The following ZNF148 variants were observed in gnomAD, a reference collection of about 807,000 sequenced individuals.
The protein encoded by ZNF148 is zinc finger protein 148.
ZNF148 carries 7 observed loss-of-function variants against 67.7 expected under a neutral mutation model. The observed-to-expected ratio is 0.10, with a 90% confidence interval of 0.06 to 0.19. The LOEUF is 0.19. Ranked by LOEUF, ZNF148 falls within the 10% of genes least tolerant of loss-of-function variation. The pLI is 1.00. For synonymous variants in ZNF148, 333 were observed against 330.7 expected, an observed-to-expected ratio of 1.01 and a Z score of -0.08; for missense variants, 583 against 947.1, an observed-to-expected ratio of 0.62 and a Z score of 5.05.
chr3:125,278,057 GAAAT>G (rs933551023), intron 6 of ZNF148, among the ~76,000 whole-genome samples: 2 of 152,042 alleles, frequency 1.3e-5, no homozygotes, highest in African/African-American at 2.4e-5. Context: ...GGGGGGGAAG[GAAAT>G]AAATAAAACA....
chr3:125,239,662 A>T lies in ZNF148; in HGVS notation c.668-5333T>A, dbSNP rs375923216. 2.0e-5 allele frequency among the ~76,000 whole-genome samples: 3 copies of T among 152,348 alleles called. No individual in the cohort carries two copies. In the South Asian group the frequency reaches 6.2e-4, roughly 32 times the overall value. ...CCAGCAATTTCACCCCTAAGCACATACCCAAGACAACTAAAAATGTGAAGT... is the reference window on the plus strand; with the variant it reads ...CCAGCAATTTCACCCCTAAGCACATTCCCAAGACAACTAAAAATGTGAAGT... On this transcript the variant is annotated intron_variant, in intron 7 of 8. Coordinates refer to ENST00000360647, the MANE Select transcript of ZNF148 (RefSeq NM_021964.3).
chr3:125,306,403 TAAGAAA>T (rs1353990436), intron 4 of ZNF148, among the ~76,000 whole-genome samples: 6 of 151,818 alleles, frequency 4.0e-5, no homozygotes, highest in African/African-American at 1.5e-4. Context: ...CCAGTCTAAT[TAAGAAA>T]AAGAAAAATT....
chr3:125,361,861 AGGATTGTAACTT>A (rs1942553833), intron 1 of ZNF148, among the ~76,000 whole-genome samples: 1 of 151,914 alleles, frequency 6.6e-6, no homozygotes, highest in African/African-American at 2.4e-5. Context: ...ACAATCCACT[AGGATTGTAACTT>A]CAGAGACCAC....
intron 7 of ZNF148, among the ~76,000 whole-genome samples, chr3:125,266,119 G>A (rs993840643): frequency 1.3e-5 from 2 of 151,974 alleles, no homozygotes; most frequent in Non-Finnish European, 1.5e-5. Context: ...ATACAATAAC[G>A]GGAGACTTCA....
At chr3:125,331,584 T>C (rs547010896) in intron 1 of ZNF148, among the ~76,000 whole-genome samples, 1 of 152,314 alleles carries the variant, frequency 6.6e-6, no homozygotes, top group South Asian at 2.1e-4. Flanking sequence ...TGTGTTTCAC[T>C]AAAATCATAT....
Position 125,317,713 on chromosome 3 carries a change from A to T in ZNF148, c.-16-4057T>A, listed in dbSNP as rs868408761. ...TACACACACACATATATATATATAT[A>T]TTTTTTTTTTTTTCTGGTAAGAAAC... On this transcript the variant is annotated intron_variant, in intron 3 of 8. Coordinates refer to ENST00000360647, the MANE Select transcript of ZNF148 (RefSeq NM_021964.3). Among the ~76,000 whole-genome samples the T allele has an allele frequency of 9.1e-3, 1,222 of 134,510 alleles. 13 individuals are homozygous for T. The highest frequency in any genetic ancestry group is 0.023 in the African/African-American group (824 of 36,124). 88.2% of individuals were successfully genotyped at this position (134,510 alleles called of 152,430 possible). A position where few individuals can be genotyped will look rare whatever the true frequency, so the allele number is the denominator to read the frequency against.
intron 1 of ZNF148, among the ~76,000 whole-genome samples, chr3:125,361,212 T>G (rs756853318): frequency 2.0e-5 from 3 of 152,034 alleles, no homozygotes; most frequent in Non-Finnish European, 2.9e-5. Context: ...AGCTATATCA[T>G]TCTCCTACTC....
intron 2 of ZNF148, among the ~76,000 whole-genome samples, chr3:125,330,924 A>G (rs1406498535): frequency 6.6e-6 from 1 of 152,176 alleles, no homozygotes; most frequent in Non-Finnish European, 1.5e-5. Flanking sequence ...AGAGAAGATA[A>G]TTGACTTCAT....
rs184855509 is a variant in ZNF148 at position 125,281,231 on chromosome 3, T to C, written c.460-1984A>G. ...AATGGAAGTGGGTGTCACAGCTTCC[T>C]GAGGAGAGTCAAAGAAAGTGGAAAG... On this transcript the variant is annotated intron_variant, in intron 5 of 8. Transcript: ENST00000360647. Among the ~76,000 whole-genome samples the C allele has an allele frequency of 9.8e-5, 15 of 152,288 alleles. 2 individuals are homozygous for C. The East Asian group carries it at 2.7e-3, about 27-fold the overall frequency.
At chr3:125,254,873 G>T (rs1413795190) in intron 7 of ZNF148, among the ~76,000 whole-genome samples, 1 of 151,740 alleles carries the variant, frequency 6.6e-6, no homozygotes, top group Non-Finnish European at 1.5e-5. Context: ...ATCTTTATTT[G>T]TTTTCTGTTT....
chr3:125,282,212 T>C, intron 5 of ZNF148, among the ~76,000 whole-genome samples: 1 of 152,188 alleles, frequency 6.6e-6, no homozygotes, highest in South Asian at 2.1e-4. Flanking sequence ...CAAAATTTTC[T>C]TCCCCGGTAT....
chr3:125,355,332 T>C (rs1942300893), intron 1 of ZNF148, among the ~76,000 whole-genome samples: 1 of 152,192 alleles, frequency 6.6e-6, no homozygotes, highest in South Asian at 2.1e-4. Flanking sequence ...ACTGACATTT[T>C]GCAGTGGATA....
chr3:125,315,401 T>G (rs1456763525), intron 3 of ZNF148, among the ~76,000 whole-genome samples: 1 of 151,972 alleles, frequency 6.6e-6, no homozygotes, highest in East Asian at 1.9e-4. Context: ...TAACTATATT[T>G]TTATGTTTTA....
chr3:125,296,638 G>T (rs1939298229), intron 4 of ZNF148, among the ~76,000 whole-genome samples: 1 of 152,006 alleles, frequency 6.6e-6, no homozygotes, highest in Admixed American at 6.6e-5. Flanking sequence ...AGCCTTAAGA[G>T]ACCTATACTG....
At chr3:125,263,958 C>T (rs991058919) in intron 7 of ZNF148, among the ~76,000 whole-genome samples, 1 of 152,188 alleles carries the variant, frequency 6.6e-6, no homozygotes, top group African/African-American at 2.4e-5. Context: ...AATAATCAAT[C>T]CATCATGCCT....
At chr3:125,258,565 C>T (rs2107566470) in intron 7 of ZNF148, among the ~76,000 whole-genome samples, 1 of 152,096 alleles carries the variant, frequency 6.6e-6, no homozygotes, top group Non-Finnish European at 1.5e-5. Context: ...CTGCACCTGG[C>T]TGTAACTACA....
chr3:125,258,146 G>A (rs1016101470), intron 7 of ZNF148, among the ~76,000 whole-genome samples: 2 of 151,914 alleles, frequency 1.3e-5, no homozygotes, highest in Non-Finnish European at 2.9e-5. Context: ...CTTCCAGCTG[G>A]GTGCGGTGGC....
intron 4 of ZNF148, among the ~76,000 whole-genome samples, chr3:125,292,306 C>T (rs919871546): frequency 1.3e-5 from 2 of 152,128 alleles, no homozygotes; most frequent in African/African-American, 4.8e-5. Flanking sequence ...CTTTGATTTT[C>T]GAAAAGGTTC....
chr3:125,331,175 G>A lies in ZNF148; in HGVS notation c.-170C>T, dbSNP rs1941275226. ...TGAATTACCTCCATTAAATACGTTA[G>A]GCAAACGCCCATCCCGCCAGATCAC... On this transcript the variant is annotated 5_prime_UTR_variant, in exon 2 of 9. Transcript: ENST00000360647. 5.0e-6 allele frequency: 2 copies of A among 398,392 alleles called. No individual in the cohort carries two copies. The highest frequency in any genetic ancestry group is 4.1e-5 in the African/African-American group (2 of 48,594). 24.7% of individuals were successfully genotyped at this position (398,392 alleles called of 1,614,324 possible).
Sources: gnomAD v4.1 joint callset for allele counts (sites outside exome capture counted in the v4.1 genomes callset) on GRCh38, gnomAD v4.1.1 for gene constraint, MANE v1.5 for transcripts, NCBI Gene and HGNC (gene_info 2026-07-23, HGNC 2026-07-21) for gene names.